Variants in CACNA1C observed in about 807,000 individuals in gnomAD.
CACNA1C encodes the protein voltage-dependent L-type calcium channel subunit alpha-1C.
Under a neutral mutation model 229.0 loss-of-function variants are expected in CACNA1C, and 30 were observed. That is an observed-to-expected ratio of 0.13 (90% CI 0.10 to 0.18). The LOEUF (loss-of-function observed/expected upper bound fraction) is 0.18. Ranked by LOEUF, CACNA1C falls within the 10% of genes least tolerant of loss-of-function variation. CACNA1C has a pLI of 1.00. For missense variants in CACNA1C, 1,658 were observed against 2,845.0 expected (o/e 0.58, Z 9.49); for synonymous variants, 1,114 against 1,132.5 (o/e 0.98, Z 0.33).
intron 5 of CACNA1C, among the ~76,000 whole-genome samples, chr12:2,482,469 C>G (rs1210499632): frequency 6.6e-6 from 1 of 152,234 alleles, no homozygotes; most frequent in Non-Finnish European, 1.5e-5. Flanking sequence ...TCTGGACCCA[C>G]TCTTCTCATC....
intron 9 of CACNA1C, among the ~76,000 whole-genome samples, chr12:2,536,167 A>G (rs1455926315): frequency 6.6e-6 from 1 of 152,214 alleles, no homozygotes; most frequent in African/African-American, 2.4e-5. Flanking sequence ...AGGAAATCTG[A>G]CCTGCTCTTC....
At chr12:2,021,948 A>G (rs1476491003) in intron 1 of CACNA1C, among the ~76,000 whole-genome samples, 1 of 152,230 alleles carries the variant, frequency 6.6e-6, no homozygotes. Context: ...CAGTCAGACT[A>G]TCGCAAGTAC....
chr12:1,990,671 CAG>C (rs1340466698), intron 1 of CACNA1C, among the ~76,000 whole-genome samples: 3 of 152,052 alleles, frequency 2.0e-5, no homozygotes, highest in African/African-American at 4.8e-5. Flanking sequence ...AAAGACCAGA[CAG>C]AGAGATTCTT....
At chr12:2,180,807 T>G (rs1238298918) in intron 3 of CACNA1C, among the ~76,000 whole-genome samples, 1 of 152,148 alleles carries the variant, frequency 6.6e-6, no homozygotes. Context: ...GTTGGAAATG[T>G]CAAATGGTTG....
intron 1 of CACNA1C, among the ~76,000 whole-genome samples, chr12:2,062,414 C>G (rs1176717490): frequency 6.6e-6 from 1 of 152,234 alleles, no homozygotes; most frequent in Non-Finnish European, 1.5e-5. Flanking sequence ...GAATTAAATT[C>G]AGGTCTGTCG....
At chr12:2,037,638 G>A (rs1021120529) in intron 1 of CACNA1C, among the ~76,000 whole-genome samples, 1 of 152,158 alleles carries the variant, frequency 6.6e-6, no homozygotes, top group South Asian at 2.1e-4. Flanking sequence ...TTCCACCATC[G>A]TACCAGTCAT....
chr12:2,299,958 G>A (rs1486285128), intron 3 of CACNA1C, among the ~76,000 whole-genome samples: 3 of 152,206 alleles, frequency 2.0e-5, no homozygotes, highest in African/African-American at 7.2e-5. Context: ...TAGATACTCA[G>A]TGTGTTCACT....
At chr12:2,268,447 T>A (rs1448084759) in intron 3 of CACNA1C, among the ~76,000 whole-genome samples, 2 of 152,278 alleles carry the variant, frequency 1.3e-5, no homozygotes, top group East Asian at 3.9e-4. Flanking sequence ...TCCCTGGGCT[T>A]TGGAAAATTG....
At chr12:2,438,321 TG>T (rs2099170923) in intron 3 of CACNA1C, among the ~76,000 whole-genome samples, 2 of 148,376 alleles carry the variant, frequency 1.3e-5, no homozygotes, top group Non-Finnish European at 3.0e-5. Context: ...GTTGTGGTGA[TG>T]GTGGGGATGG....
intron 34 of CACNA1C, among the ~76,000 whole-genome samples, chr12:2,662,145 G>A (rs2095791198): frequency 6.6e-6 from 1 of 152,032 alleles, no homozygotes; most frequent in Non-Finnish European, 1.5e-5. Flanking sequence ...AGGAGGCTAA[G>A]GTGGGAGAAT....
intron 3 of CACNA1C, among the ~76,000 whole-genome samples, chr12:2,369,705 A>G (rs1389412201): frequency 6.6e-6 from 1 of 152,162 alleles, no homozygotes. Flanking sequence ...CGCCCAGCCT[A>G]CATACCTATC....
intron 3 of CACNA1C, among the ~76,000 whole-genome samples, chr12:2,294,068 A>T (rs1412125548): frequency 6.6e-6 from 1 of 152,252 alleles, no homozygotes; most frequent in East Asian, 1.9e-4. Flanking sequence ...CACAACCCTG[A>T]CCAGACATGA....
chr12:2,117,201 G>A (rs1160542252), intron 2 of CACNA1C, among the ~76,000 whole-genome samples: 3 of 152,222 alleles, frequency 2.0e-5, no homozygotes, highest in East Asian at 1.9e-4. Flanking sequence ...AACTCGGGAC[G>A]AAGAGGTTGC....
At chr12:2,387,668 A>T (rs2098416376) in intron 3 of CACNA1C, among the ~76,000 whole-genome samples, 1 of 152,160 alleles carries the variant, frequency 6.6e-6, no homozygotes, top group African/African-American at 2.4e-5. Context: ...GAGTAGGTGG[A>T]GCCAAGGGCT....
chr12:2,274,217 T>C (rs929035240), intron 3 of CACNA1C, among the ~76,000 whole-genome samples: 3 of 152,202 alleles, frequency 2.0e-5, no homozygotes, highest in African/African-American at 7.2e-5. Flanking sequence ...CAGAAAGTGC[T>C]GTGGGGCCCA....
In CACNA1C at chr12:2,021,105, C is replaced by T. The variant is rs183281775; in HGVS notation, c.139+49904C>T. On this transcript the variant is annotated intron_variant, in intron 1 of 46. Coordinates refer to the CACNA1C transcript ENST00000682462. ...AATGCTTCCTAATCACTAATTATCA[C>T]TCAGTACATTTCTTAATCAACTGCC... Among the ~76,000 whole-genome samples, 71 of 152,296 alleles carry T rather than the reference C, an allele frequency of 4.7e-4. No homozygotes were observed. In the East Asian group the frequency reaches 0.011, roughly 24 times the overall value.
At chr12:2,224,330 C>G (rs764719005) in intron 3 of CACNA1C, among the ~76,000 whole-genome samples, 8 of 152,238 alleles carry the variant, frequency 5.3e-5, no homozygotes, top group Non-Finnish European at 1.0e-4. Context: ...AGTCACACAT[C>G]TGTATCTTCA....
intron 3 of CACNA1C, among the ~76,000 whole-genome samples, chr12:2,447,354 A>T (rs941813214): frequency 1.3e-5 from 2 of 152,158 alleles, no homozygotes; most frequent in Non-Finnish European, 2.9e-5. Flanking sequence ...TCTGCCTCTG[A>T]GATGCTGATG....
chr12:2,638,869 T>C (rs2153593689), intron 30 of CACNA1C, among the ~76,000 whole-genome samples: 1 of 151,330 alleles, frequency 6.6e-6, no homozygotes, highest in East Asian at 1.9e-4. Context: ...CTGTTAGCCC[T>C]TGGAGGGGAG....
Sources: allele counts gnomAD v4.1 joint callset (sites outside exome capture counted in the v4.1 genomes callset), GRCh38; gene constraint gnomAD v4.1.1; transcripts MANE v1.5; gene names NCBI Gene and HGNC (gene_info 2026-07-23, HGNC 2026-07-21).